Variants in RFWD3 observed in about 807,000 individuals in gnomAD.
RFWD3 encodes the protein ring finger and WD repeat domain 3, also known as E3 ubiquitin-protein ligase RFWD3.
RFWD3 carries 65 observed loss-of-function variants against 87.7 expected under a neutral mutation model. The ratio of observed to expected loss-of-function variants is 0.74; its 90% CI spans 0.61 to 0.91. The LOEUF (loss-of-function observed/expected upper bound fraction) is 0.91. RFWD3 is among the 40% of genes least tolerant of loss of function. The pLI is 0.00. For missense variants in RFWD3, 1,078 were observed against 938.5 expected, an observed-to-expected ratio of 1.15 and a Z score of -1.94; for synonymous variants, 433 against 352.8, an observed-to-expected ratio of 1.23 and a Z score of -2.55.
chr16:74,627,847 G>C (rs897160348), intron 11 of RFWD3, among the ~76,000 whole-genome samples: 6 of 152,208 alleles, frequency 3.9e-5, no homozygotes, highest in Admixed American at 3.9e-4. Flanking sequence ...TCTCCTGACA[G>C]AGACCTCAAG....
At chr16:74,628,168 C>T (rs1466980150) in intron 11 of RFWD3, among the ~76,000 whole-genome samples, 1 of 152,142 alleles carries the variant, frequency 6.6e-6, no homozygotes, top group Non-Finnish European at 1.5e-5. Flanking sequence ...AGCTGGCCCC[C>T]TTGTTCCACT....
At chr16:74,634,099 T>C (rs1184504605) in intron 8 of RFWD3, among the ~76,000 whole-genome samples, 2 of 152,208 alleles carry the variant, frequency 1.3e-5, no homozygotes, top group African/African-American at 4.8e-5. Flanking sequence ...TCTCTGTCAA[T>C]TCTACTTCAA....
chr16:74,645,980 C>G (rs1960108597), intron 4 of RFWD3, among the ~76,000 whole-genome samples: 2 of 150,936 alleles, frequency 1.3e-5, no homozygotes, highest in African/African-American at 2.4e-5. Context: ...GATCTCCTGA[C>G]CTCGCGATCC....
At position 74,637,868 on chromosome 16, in the gene RFWD3, T is replaced by G. The variant is rs756732813; in HGVS notation, c.1182A>C (p.Gln394His). Residue 394 changes from glutamine (Q) to histidine (H), a missense_variant, in exon 7 of 13, where the codon CAA (glutamine) becomes CAC (histidine). Transcript: ENST00000361070. ...QVLTDKCTRLQRRVQDLQKLT... is the reference protein window; with the variant it reads ...QVLTDKCTRLHRRVQDLQKLT... ...AGGACAAACGTACCTGAACACGCCT[T>G]TGAAGCCTAGTGCACTTATCAGTGA... 6.2e-7 allele frequency: 1 copy of G among 1,612,320 alleles called. No homozygotes were observed. The highest frequency in any genetic ancestry group is 8.5e-7 in the Non-Finnish European group (1 of 1,179,286).
intron 8 of RFWD3, among the ~76,000 whole-genome samples, chr16:74,633,025 C>A (rs1243812393): frequency 6.6e-6 from 1 of 151,832 alleles, no homozygotes; most frequent in Non-Finnish European, 1.5e-5. Flanking sequence ...CTCTGTAATC[C>A]CAGCACTTTG....
chr16:74,647,255 T>C (rs898125416), intron 4 of RFWD3, among the ~76,000 whole-genome samples: 2 of 152,146 alleles, frequency 1.3e-5, no homozygotes, highest in African/African-American at 4.8e-5. Flanking sequence ...CAGATGTAAA[T>C]TACTCATACT....
chr16:74,646,459 C>T (rs752748829), intron 4 of RFWD3, among the ~76,000 whole-genome samples: 12 of 152,140 alleles, frequency 7.9e-5, no homozygotes, highest in South Asian at 6.2e-4. Flanking sequence ...CAGGCGTGTG[C>T]CACCATACAC....
chr16:74,629,518 G>T (rs1959027639), intron 10 of RFWD3, among the ~76,000 whole-genome samples: 2 of 152,068 alleles, frequency 1.3e-5, no homozygotes, highest in East Asian at 1.9e-4. Flanking sequence ...AGTTAGTCAG[G>T]TGTGGTGGCA....
At chr16:74,627,256 G>T (rs1958965333) in intron 11 of RFWD3, among the ~76,000 whole-genome samples, 1 of 152,214 alleles carries the variant, frequency 6.6e-6, no homozygotes, top group Non-Finnish European at 1.5e-5. Flanking sequence ...TGTTACAAAT[G>T]TGTTTAATAC....
chr16:74,654,828 AAAG>A (rs1448136084), intron 2 of RFWD3, among the ~76,000 whole-genome samples: 1 of 152,144 alleles, frequency 6.6e-6, no homozygotes, highest in African/African-American at 2.4e-5. Flanking sequence ...AGTGGTCTGG[AAAG>A]AAGATCAAAC....
chr16:74,630,097 C>CTA (rs529240135), intron 10 of RFWD3, among the ~76,000 whole-genome samples: 210 of 152,058 alleles, frequency 1.4e-3, no homozygotes, highest in Non-Finnish European at 2.4e-3. Context: ...AGACATGTGG[C>CTA]TATTTTTTTT....
Position 74,628,503 on chromosome 16 carries a change from C to A in RFWD3, c.1918G>T (p.Asp640Tyr). ...VLPLEPGGCI[D>Y]FQTENSSRHC... The stretch of plus-strand genomic sequence containing the variant: ...CGGGAGCTGTTCTCTGTCTGAAAGT[C>A]TATGCAGCCCCCTGGCTCCAAGGGC... Residue 640 changes from aspartate to tyrosine, a missense_variant, in exon 11 of 13, where the codon GAC becomes TAC. Coordinates refer to ENST00000361070, the MANE Select transcript of RFWD3 (RefSeq NM_018124.4). The A allele has an allele frequency of 6.2e-7, 1 of 1,614,190 alleles. No individual in the cohort carries two copies.
intron 2 of RFWD3, among the ~76,000 whole-genome samples, chr16:74,655,619 GCT>G (rs139919392): frequency 6.6e-6 from 1 of 151,450 alleles, no homozygotes; most frequent in East Asian, 1.9e-4. Context: ...TTCTGTCTGT[GCT>G]CTCTCTCTTT....
intron 1 of RFWD3, chr16:74,665,215 G>A (rs1488221288): frequency 6.6e-6 from 1 of 152,290 alleles, no homozygotes; most frequent in Non-Finnish European, 1.5e-5. Context: ...GAAATGCCCA[G>A]GCGGATGGAT....
Position 74,630,773 on chromosome 16 carries a change from C to A in RFWD3, c.1754+8G>T. 1 of 1,586,484 alleles carries A rather than the reference C, an allele frequency of 6.3e-7. No individual in the cohort carries two copies. The highest frequency in any genetic ancestry group is 8.6e-7 in the Non-Finnish European group (1 of 1,167,494). The stretch of plus-strand genomic sequence containing the variant: ...CTACCACCAGGAAAAGAGTGAGTGG[C>A]TCCCTACCTGGCTTTCTGAGCTACT... On this transcript the variant is annotated splice_region_variant and intron_variant, in intron 10 of 12. Coordinates refer to ENST00000361070, the MANE Select transcript of RFWD3 (RefSeq NM_018124.4).
intron 3 of RFWD3, among the ~76,000 whole-genome samples, chr16:74,650,757 G>C (rs1054360537): frequency 6.6e-6 from 1 of 152,060 alleles, no homozygotes; most frequent in Non-Finnish European, 1.5e-5. Context: ...TGCACATGTA[G>C]TCCTAGCTAC....
Position 74,626,509 on chromosome 16 carries a change from T to C in RFWD3, c.2015A>G (p.Tyr672Cys). The C allele has an allele frequency of 1.2e-6, 2 of 1,614,162 alleles. No homozygotes were observed. Among genetic ancestry groups the C allele is most frequent in the South Asian group, 1.1e-5 (1 of 91,078 alleles). Residue 672 changes from tyrosine to cysteine, a missense_variant, in exon 12 of 13, where the codon TAC becomes TGC. Physicochemically the swap from Tyr to Cys is radical, Grantham distance 194. Transcript: ENST00000361070. ...TGGATTTCCAGTGTCATCCAGTCGG[T>C]AGGACATTTCCATCAGCACACTTCG... ...TIRSVLMEMS[Y>C]RLDDTGNPIC...
At chr16:74,641,922 C>T (rs1597432492) in intron 6 of RFWD3, among the ~76,000 whole-genome samples, 2 of 84,622 alleles carry the variant, frequency 2.4e-5, no homozygotes, top group African/African-American at 8.7e-5. Flanking sequence ...AGCAAAACTC[C>T]GTCTCCAAAA....
intron 2 of RFWD3, among the ~76,000 whole-genome samples, chr16:74,656,725 T>C (rs1961016970): frequency 6.6e-6 from 1 of 152,202 alleles, no homozygotes; most frequent in African/African-American, 2.4e-5. Context: ...CCCAAAGTGC[T>C]GGGATTATAG....
Sources: allele counts gnomAD v4.1 joint callset (sites outside exome capture counted in the v4.1 genomes callset), GRCh38; gene constraint gnomAD v4.1.1; transcripts MANE v1.5; gene names NCBI Gene and HGNC (gene_info 2026-07-23, HGNC 2026-07-21).